Variants in MED16 observed in about 807,000 individuals in gnomAD.
MED16 encodes mediator of RNA polymerase II transcription subunit 16.
A neutral mutation model predicts 84.4 loss-of-function variants in MED16; 81 were observed. The ratio of observed to expected loss-of-function variants is 0.96; its 90% CI spans 0.80 to 1.15. The LOEUF (loss-of-function observed/expected upper bound fraction) is 1.15. MED16 is among the 50% of genes most tolerant of loss of function. MED16 has a pLI of 0.00. For synonymous variants in MED16, 897 were observed against 552.2 expected (o/e 1.62, Z -8.76); for missense variants, 1,585 against 1,245.9 (o/e 1.27, Z -4.10).
chr19:891,074 C>T lies in MED16; in HGVS notation c.58G>A (p.Glu20Lys). ...GGMMDLAYVC[E>K]WEKWSKSTHC... ...GTGCTCTTGGACCATTTCTCCCACT[C>T]ACAGACGTAGGCCAAGTCCATCATC... is the stretch of plus-strand genomic sequence containing the variant. Residue 20 changes from glutamate to lysine, a missense_variant, in exon 2 of 16, where the codon GAG (glutamate) becomes AAG (lysine). Coordinates refer to ENST00000325464, the MANE Select transcript of MED16 (RefSeq NM_005481.3). The T allele has an allele frequency of 6.2e-7, 1 of 1,614,084 alleles. No individual in the cohort carries two copies. Among genetic ancestry groups the T allele is most frequent in the Non-Finnish European group, 8.5e-7 (1 of 1,180,016 alleles).
chr19:879,380 G>T (rs145251549), intron 8 of MED16, among the ~76,000 whole-genome samples: 1 of 33,002 alleles, frequency 3.0e-5, no homozygotes, highest in Non-Finnish European at 6.7e-5. Flanking sequence ...AGCCCCAGCC[G>T]CACATGCCCC....
chr19:892,844 G>T (rs2036665313), intron 1 of MED16: 2 of 149,410 alleles, frequency 1.3e-5, no homozygotes, highest in South Asian at 3.6e-4. Flanking sequence ...CGGGCCTCAG[G>T]CCTCCCCCAG....
At position 871,265 on chromosome 19, in the gene MED16, G is replaced by C; in HGVS notation, c.2099-12C>G. The C allele has an allele frequency of 1.3e-6, 2 of 1,527,630 alleles. No individual in the cohort carries two copies. The highest frequency in any genetic ancestry group is 1.2e-5 in the South Asian group (1 of 83,342). The allele number at this position is 1,527,630 out of a possible 1,614,324, so 94.6% of individuals were successfully genotyped here. On this transcript the variant is annotated splice_polypyrimidine_tract_variant and intron_variant, in intron 12 of 15. Transcript: ENST00000325464. ...GCCCTCATCGCGACCTGCGGAGAGA[G>C]GTGGCGGAAGTCTCAGCACCCCTGA... is the stretch of plus-strand genomic sequence containing the variant.
rs376316811 is a variant in MED16, at chr19:885,013, G to C, written c.880-5C>G. 9 of 1,585,780 alleles carry C rather than the reference G, an allele frequency of 5.7e-6. No homozygotes were observed. The highest frequency in any genetic ancestry group is 7.7e-6 in the Non-Finnish European group (9 of 1,170,246). ...GCTGGACGCGCACAAAAGCACCTGC[G>C]GGGGAGGTGGGGGTGAGGGCTGACC... On this transcript the variant is annotated splice_polypyrimidine_tract_variant and splice_region_variant and intron_variant, in intron 5 of 15. Transcript: ENST00000325464.
chr19:879,121 CCCCCAG>C (rs1284979363), intron 8 of MED16, among the ~76,000 whole-genome samples: 2 of 120,172 alleles, frequency 1.7e-5, no homozygotes, highest in African/African-American at 3.4e-5. Context: ...TTGTCAATAC[CCCCCAG>C]CCCCAGCCCC....
chr19:876,916 C>T (rs1454526532), intron 9 of MED16, 58 bp downstream of exon 9: 7 of 1,495,966 alleles, frequency 4.7e-6, no homozygotes, highest in South Asian at 1.3e-5. Flanking sequence ...GCCACGGGGC[C>T]CCCACCTGCC....
intron 6 of MED16, among the ~76,000 whole-genome samples, chr19:884,525 G>C (rs575464439): frequency 1.3e-5 from 2 of 152,180 alleles, no homozygotes; most frequent in East Asian, 3.9e-4. Flanking sequence ...GCCCCTGCCC[G>C]GTCTGGCCTG....
Position 875,218 on chromosome 19 carries a change from G to A in MED16, c.1771+26C>T, listed in dbSNP as rs1025508619. 4.0e-6 allele frequency: 6 copies of A among 1,486,616 alleles called. No homozygotes were observed. The Middle Eastern group carries it at 5.5e-4, about 136-fold the overall frequency. 92.1% of individuals were successfully genotyped at this position (1,486,616 alleles called of 1,614,324 possible). ...AATAAATAGATGAAAGAAACCTCGAGGCCCCGGGCGTGGAAAAGGACCCAC... is the reference window on the plus strand; with the variant it reads ...AATAAATAGATGAAAGAAACCTCGAAGCCCCGGGCGTGGAAAAGGACCCAC... On this transcript the variant is annotated intron_variant, in intron 10 of 15. Coordinates refer to ENST00000325464, the MANE Select transcript of MED16 (RefSeq NM_005481.3).
At chr19:888,189 G>A (rs2036561911) in intron 4 of MED16, among the ~76,000 whole-genome samples, 1 of 151,542 alleles carries the variant, frequency 6.6e-6, no homozygotes, top group Non-Finnish European at 1.5e-5. Context: ...GGGCAACAGA[G>A]CAAGACCCTG....
In MED16 at chr19:873,306, TAGGGG is replaced by T; in HGVS notation, c.1905+138_1905+142del. ...CTCCAAGCAGGGGCGGGACTCCAAG[TAGGGG>T]CGGGACTCCAAGTAGGGGCGGGACT... On this transcript the variant is annotated intron_variant, in intron 11 of 15. Transcript: ENST00000325464. 1.8e-5 allele frequency: 5 copies of T among 284,890 alleles called. No homozygotes were observed. The East Asian group carries it at 4.0e-4, about 23-fold the overall frequency. 17.6% of individuals were successfully genotyped at this position (284,890 alleles called of 1,614,324 possible). A position where few individuals can be genotyped will look rare whatever the true frequency, so the allele number is the denominator to read the frequency against.
intron 11 of MED16, 51 bp downstream of exon 11, chr19:873,398 G>GAGATGGGGGCCC (rs2036145576): frequency 6.4e-7 from 1 of 1,574,222 alleles, no homozygotes; most frequent in Admixed American, 1.7e-5. Context: ...GGGTCCTGAT[G>GAGATGGGGGCCC]AGATGGGGGC....
At position 885,902 on chromosome 19, in the gene MED16, C is replaced by T; in HGVS notation, c.747G>A (p.Val249=). 1 of 1,613,646 alleles carries T rather than the reference C, an allele frequency of 6.2e-7. No individual in the cohort carries two copies. The highest frequency in any genetic ancestry group is 1.1e-5 in the South Asian group (1 of 91,090). Residue 249 remains valine, a synonymous_variant, in exon 5 of 16, where the codon GTG becomes GTA. Coordinates refer to ENST00000325464, the MANE Select transcript of MED16 (RefSeq NM_005481.3). ...VQFYKVCVSV[V]SEKCRIDTEI... ...CCGTGTCGATACGGCACTTCTCGCT[C>T]ACCACGCTCACGCACACCTTGTAGA... is the stretch of plus-strand genomic sequence containing the variant.
chr19:872,960 G>A (rs2036121549), intron 11 of MED16: 3 of 877,124 alleles, frequency 3.4e-6, no homozygotes, highest in Non-Finnish European at 4.2e-6. Context: ...GGAGGGCTCC[G>A]AGGTGGGGCA....
intron 7 of MED16, 47 bp from the exon 8 acceptor site, chr19:880,195 GC>G: frequency 6.6e-7 from 1 of 1,522,990 alleles, no homozygotes; most frequent in Non-Finnish European, 8.8e-7. Context: ...CCCAGGACAC[GC>G]CCGCCGGGGG....
intron 6 of MED16, among the ~76,000 whole-genome samples, chr19:882,457 G>A (rs1265633605): frequency 6.6e-6 from 1 of 152,226 alleles, no homozygotes; most frequent in Non-Finnish European, 1.5e-5. Flanking sequence ...CCAGGAAGAT[G>A]AGGCTGCAGT....
At chr19:891,289 CCTGGGG>C (rs978528016) in intron 1 of MED16, 140 bp from the exon 2 acceptor site, 5 of 829,108 alleles carry the variant, frequency 6.0e-6, no homozygotes, top group Non-Finnish European at 9.2e-6. Flanking sequence ...CCAGACAGAG[CCTGGGG>C]CTGGGGCCGA....
rs755810516 is a variant in MED16 at position 877,178 on chromosome 19, C to T, written c.1356G>A (p.Leu452=). ...TGGAAGGTGAGAGGCGGAGCACGCT[C>T]AGCTGCCAGAGACAGAGCCCAAGGA... ...ALVGIDSHGK[L]SVLRLSPSMG... is the part of the protein sequence containing the mutation. Residue 452 remains leucine, a splice_region_variant and synonymous_variant, in exon 9 of 16, where the codon CTG becomes CTA. Coordinates refer to ENST00000325464, the MANE Select transcript of MED16 (RefSeq NM_005481.3). 6.2e-7 allele frequency: 1 copy of T among 1,607,244 alleles called. No homozygotes were observed. The highest frequency in any genetic ancestry group is 8.5e-7 in the Non-Finnish European group (1 of 1,178,162).
chr19:884,052 C>T (rs953381848), intron 6 of MED16, among the ~76,000 whole-genome samples: 4 of 152,184 alleles, frequency 2.6e-5, no homozygotes, highest in Non-Finnish European at 4.4e-5. Flanking sequence ...ATCGGGGCCT[C>T]TTGACACGTG....
At position 879,973 on chromosome 19, in the gene MED16, C is replaced by G. The variant is rs770968682; in HGVS notation, c.1317G>C (p.Thr439=). The G allele has an allele frequency of 6.2e-7, 1 of 1,606,828 alleles. No homozygotes were observed. The highest frequency in any genetic ancestry group is 8.5e-7 in the Non-Finnish European group (1 of 1,177,376). Residue 439 remains threonine, a synonymous_variant, in exon 8 of 16, where the codon ACG becomes ACC. Transcript: ENST00000325464. The part of the protein sequence containing the change: ...VHLKAMQLSW[T]SLALVGIDSH... ...TGTCAATCCCCACCAGGGCCAGTGA[C>G]GTCCACGATAGCTGCATAGCCTTTA...
Sources: gnomAD v4.1 joint callset for allele counts (sites outside exome capture counted in the v4.1 genomes callset) on GRCh38, gnomAD v4.1.1 for gene constraint, MANE v1.5 for transcripts, NCBI Gene and HGNC (gene_info 2026-07-23, HGNC 2026-07-21) for gene names.